Variants in TCF12 observed in about 807,000 individuals in gnomAD.
TCF12 encodes the protein transcription factor 12.
In TCF12, 45 loss-of-function variants were observed where a neutral mutation model predicts 86.0. The observed-to-expected ratio is 0.52, with a 90% CI of 0.41 to 0.67. The LOEUF is 0.67. Among genes scored for constraint, TCF12 ranks in the 30% least tolerant of loss-of-function variants. The probability of loss-of-function intolerance (pLI) is 0.00; values close to 1 mark genes in which losing one functional copy is unlikely to be tolerated. For missense variants in TCF12, 881 were observed against 859.9 expected (o/e 1.02, Z -0.31); for synonymous variants, 330 against 299.6 (o/e 1.10, Z -1.05).
intron 6 of TCF12, among the ~76,000 whole-genome samples, chr15:57,178,256 A>G (rs2056095575): frequency 6.6e-6 from 1 of 152,166 alleles, no homozygotes; most frequent in African/African-American, 2.4e-5. Flanking sequence ...CATGAAGGTT[A>G]ATTGTACTTT....
At chr15:57,219,257 A>G (rs1235453033) in intron 8 of TCF12, 30 of 1,171,508 alleles carry the variant, frequency 2.6e-5, no homozygotes, top group East Asian at 3.6e-5. Flanking sequence ...AGTGACTTGC[A>G]TTTTTTTAAT....
chr15:57,123,495 G>A (rs2151301493), intron 5 of TCF12, among the ~76,000 whole-genome samples: 1 of 150,008 alleles, frequency 6.7e-6, no homozygotes, highest in South Asian at 2.1e-4. Context: ...TGCTGCTAAG[G>A]CAACTCTACC....
chr15:57,004,669 A>C (rs1051774437), intron 3 of TCF12, among the ~76,000 whole-genome samples: 14 of 151,978 alleles, frequency 9.2e-5, no homozygotes, highest in Non-Finnish European at 2.1e-4. Flanking sequence ...TCAGCTTCCT[A>C]AAGTGCTGGG....
At chr15:57,036,025 A>G (rs114703772) in intron 3 of TCF12, among the ~76,000 whole-genome samples, 1,744 of 152,160 alleles carry the variant, frequency 0.011, 30 homozygotes, top group African/African-American at 0.039. Flanking sequence ...GAAGTGGAAC[A>G]GTTTTATCCC....
At chr15:57,063,585 C>G (rs1400915281) in intron 3 of TCF12, among the ~76,000 whole-genome samples, 165 bp from the exon 4 acceptor site, 4 of 152,152 alleles carry the variant, frequency 2.6e-5, no homozygotes, top group Non-Finnish European at 5.9e-5. Flanking sequence ...GATGAAGATA[C>G]TTTGCAGTAA....
intron 5 of TCF12, among the ~76,000 whole-genome samples, chr15:57,102,689 G>A: frequency 6.6e-6 from 1 of 152,060 alleles, no homozygotes; most frequent in East Asian, 1.9e-4. Flanking sequence ...AGACGTGATG[G>A]TTGGTGGTTG....
At chr15:57,192,314 A>G in intron 7 of TCF12, 21 bp downstream of exon 7, 3 of 1,611,348 alleles carry the variant, frequency 1.9e-6, no homozygotes, top group Non-Finnish European at 2.5e-6. Flanking sequence ...CACACAACAA[A>G]TCCCATCCCA....
At chr15:57,126,925 A>T (rs1311774207) in intron 5 of TCF12, among the ~76,000 whole-genome samples, 6 of 152,132 alleles carry the variant, frequency 3.9e-5, no homozygotes, top group Non-Finnish European at 8.8e-5. Flanking sequence ...AATGGAAACA[A>T]ATCAAAACAA....
At chr15:56,995,231 CTTTTTTTTTTTTTT>C (rs557610511) in intron 3 of TCF12, among the ~76,000 whole-genome samples, 12 of 30,284 alleles carry the variant, frequency 4.0e-4, no homozygotes, top group East Asian at 1.5e-3. Flanking sequence ...ATACCTGCAG[CTTTTTTTTTTTTTT>C]TTTTTTTTTT....
Position 56,935,328 on chromosome 15 carries a change from C to T in TCF12, c.148+14230C>T, listed in dbSNP as rs538224953. ...TTCTCACAGTTTTGGAGGCTAAAAG[C>T]CTGAGATCAGGGTGCCAGCATGGTC... On this transcript the variant is annotated intron_variant, in intron 3 of 20. Transcript: ENST00000333725. Among the ~76,000 whole-genome samples, 5 of 152,202 alleles carry T rather than the reference C, an allele frequency of 3.3e-5. No individual in the cohort carries two copies. The South Asian group carries it at 8.3e-4, about 25-fold the overall frequency.
intron 3 of TCF12, among the ~76,000 whole-genome samples, chr15:56,978,144 C>T (rs2062706244): frequency 6.6e-6 from 1 of 152,204 alleles, no homozygotes; most frequent in African/African-American, 2.4e-5. Flanking sequence ...GTGTTTGTAA[C>T]TTGCACAGCT....
chr15:57,127,578 T>G (rs1368558639), intron 5 of TCF12, among the ~76,000 whole-genome samples: 1 of 152,220 alleles, frequency 6.6e-6, no homozygotes, highest in African/African-American at 2.4e-5. Flanking sequence ...AAGTGAGTCC[T>G]GTTACTGAGT....
At chr15:57,087,041 C>G (rs983809808) in intron 4 of TCF12, among the ~76,000 whole-genome samples, 15 of 150,596 alleles carry the variant, frequency 1.0e-4, no homozygotes, top group African/African-American at 2.7e-4. Context: ...CTTCCCCTCT[C>G]TCTCCCTCTG....
intron 8 of TCF12, among the ~76,000 whole-genome samples, chr15:57,200,270 G>T (rs2057474332): frequency 6.6e-6 from 1 of 151,944 alleles, no homozygotes; most frequent in African/African-American, 2.4e-5. Flanking sequence ...GATTTTAAAA[G>T]AAAATACTTT....
chr15:57,180,369 G>A (rs1253213815), intron 6 of TCF12, among the ~76,000 whole-genome samples: 3 of 152,052 alleles, frequency 2.0e-5, no homozygotes, highest in African/African-American at 7.2e-5. Flanking sequence ...AACAACAACT[G>A]CAAATATGGT....
intron 17 of TCF12, 94 bp from the exon 18 acceptor site, chr15:57,263,018 G>T (rs1444417705): frequency 1.5e-6 from 2 of 1,318,430 alleles, no homozygotes; most frequent in Admixed American, 2.6e-5. Context: ...AACTGCTAAG[G>T]ATATTCACCA....
intron 5 of TCF12, among the ~76,000 whole-genome samples, chr15:57,121,537 G>T (rs573574966): frequency 6.6e-6 from 1 of 152,142 alleles, no homozygotes; most frequent in African/African-American, 2.4e-5. Flanking sequence ...GTCGAAAGGC[G>T]CACCTTCTTG....
In TCF12 at chr15:57,110,293, C is replaced by G. The variant is rs1201811929; in HGVS notation, c.325+18402C>G. Among the ~76,000 whole-genome samples the G allele has an allele frequency of 2.0e-4, 25 of 126,214 alleles. 1 individual carries two copies. The highest frequency in any genetic ancestry group is 1.8e-3 in the Admixed American group (21 of 11,536). 82.8% of individuals were successfully genotyped at this position (126,214 alleles called of 152,430 possible). A position where few individuals can be genotyped will look rare whatever the true frequency, so the allele number is the denominator to read the frequency against. On this transcript the variant is annotated intron_variant, in intron 5 of 20. Coordinates refer to ENST00000333725, the MANE Select transcript of TCF12 (RefSeq NM_207037.2). ...TTAAGATTTTTTAGTTTTAGGAGTTCTATTTTAAATATACCATAGTTGGGG... is the reference window on the plus strand; with the variant it reads ...TTAAGATTTTTTAGTTTTAGGAGTTGTATTTTAAATATACCATAGTTGGGG...
At chr15:57,072,914 A>G (rs781224634) in intron 4 of TCF12, among the ~76,000 whole-genome samples, 8 of 152,236 alleles carry the variant, frequency 5.3e-5, no homozygotes, top group Non-Finnish European at 1.0e-4. Context: ...CCTATAAATT[A>G]TAACCTAAAT....
Sources: allele counts gnomAD v4.1 joint callset (sites outside exome capture counted in the v4.1 genomes callset), GRCh38; gene constraint gnomAD v4.1.1; transcripts MANE v1.5; gene names NCBI Gene and HGNC (gene_info 2026-07-23, HGNC 2026-07-21).